ARHGEF18: variants seen among roughly 807,000 people sequenced by gnomAD.
ARHGEF18 encodes the protein rho guanine nucleotide exchange factor 18.
A neutral mutation model predicts 155.7 loss-of-function variants in ARHGEF18; 93 were observed. The observed-to-expected ratio is 0.60, with a 90% CI of 0.50 to 0.71. The LOEUF (loss-of-function observed/expected upper bound fraction) is 0.71. Ranked by LOEUF, ARHGEF18 falls within the 30% of genes least tolerant of loss-of-function variation. ARHGEF18 has a pLI of 0.00. For synonymous variants in ARHGEF18, 742 were observed against 753.1 expected (o/e 0.99, Z 0.24); for missense variants, 1,593 against 1,816.1 (o/e 0.88, Z 2.23).
chr19:7,441,599 C>T (rs1387282867), intron 11 of ARHGEF18, 54 bp from the exon 12 acceptor site: 8 of 1,391,398 alleles, frequency 5.7e-6, no homozygotes, highest in Admixed American at 3.4e-5. Flanking sequence ...TGCATGAGGT[C>T]GTGTGTGTTT....
intron 2 of ARHGEF18, among the ~76,000 whole-genome samples, chr19:7,365,489 A>G (rs1050605548): frequency 6.6e-6 from 1 of 152,200 alleles, no homozygotes; most frequent in Non-Finnish European, 1.5e-5. Context: ...GTAAAGGATC[A>G]CAGAACCAGG....
chr19:7,470,215 G>A lies in ARHGEF18; in HGVS notation c.4003G>A (p.Gly1335Arg), dbSNP rs776440309. Residue 1335 changes from glycine to arginine, a missense_variant, in exon 29 of 29, where the codon GGG becomes AGG. Physicochemically the swap from Gly to Arg is moderately radical, Grantham distance 125. Coordinates refer to ENST00000668164, the MANE Select transcript of ARHGEF18 (RefSeq NM_001367823.1). This position sits in a 1 kb window ranked among gnomAD's most constrained non-coding sequence, Gnocchi z 5.9. ...LKAGGTALLP[G>R]PPAPSPLPAT... ...GGCCGGGGGCACAGCCCTCCTGCCC[G>A]GGCCCCCAGCTCCCTCGCCACTGCC... The A allele has an allele frequency of 5.5e-5, 88 of 1,609,544 alleles. No homozygotes were observed. The highest frequency in any genetic ancestry group is 6.8e-5 in the Non-Finnish European group (80 of 1,178,608).
chr19:7,415,741 G>A (rs917865751), intron 10 of ARHGEF18, among the ~76,000 whole-genome samples: 9 of 151,744 alleles, frequency 5.9e-5, no homozygotes, highest in African/African-American at 1.5e-4. Context: ...ACAGAGACCC[G>A]CAGCTCCTGG....
At position 7,440,423 on chromosome 19, in the gene ARHGEF18, C is replaced by T. The variant is rs956575348; in HGVS notation, c.1047C>T (p.Val349=). The T allele has an allele frequency of 7.5e-6, 12 of 1,604,064 alleles. No homozygotes were observed. Among genetic ancestry groups the T allele is most frequent in the East Asian group, 4.5e-5 (2 of 44,872 alleles). ...TGTCCAGGAATGTCGGTATGACGGTCTCTCAGAAAGGGGGTCCCCAGCCAA... is the reference window on the plus strand; with the variant it reads ...TGTCCAGGAATGTCGGTATGACGGTTTCTCAGAAAGGGGGTCCCCAGCCAA... ...PALSRNVGMT[V]SQKGGPQPTP... The change falls in exon 11 of 29, where the codon GTC becomes GTT. Residue 349 remains valine (V), a synonymous_variant. Transcript: ENST00000668164. The surrounding 1 kb of genome is among the most constrained non-coding windows in gnomAD (Gnocchi z 5.4).
intron 10 of ARHGEF18, among the ~76,000 whole-genome samples, chr19:7,391,628 A>C (rs1159619311): frequency 2.6e-5 from 4 of 152,074 alleles, no homozygotes; most frequent in African/African-American, 9.6e-5. Flanking sequence ...TCATCCTTTT[A>C]AGACAAAGCC....
chr19:7,406,576 G>C (rs1438088176), intron 10 of ARHGEF18, among the ~76,000 whole-genome samples: 2 of 152,012 alleles, frequency 1.3e-5, no homozygotes, highest in East Asian at 3.8e-4. Context: ...GATTCAGAGA[G>C]GGCAAAAAAC....
At position 7,440,561 on chromosome 19, in the gene ARHGEF18, G is replaced by C. The variant is rs904234515; in HGVS notation, c.1106+79G>C. The C allele has an allele frequency of 3.4e-6, 5 of 1,481,846 alleles. No individual in the cohort carries two copies. Among genetic ancestry groups the C allele is most frequent in the Non-Finnish European group, 3.6e-6 (4 of 1,107,464 alleles). The allele number at this position is 1,481,846 out of a possible 1,614,324, so 91.8% of individuals were successfully genotyped here. ...GCTGTTGACAGCCTCTTCGGAGGGA[G>C]ACCCCGACTTAGATCTGTGTGAATC... On this transcript the variant is annotated intron_variant, in intron 11 of 28. Coordinates refer to ENST00000668164, the MANE Select transcript of ARHGEF18 (RefSeq NM_001367823.1). This position sits in a 1 kb window ranked among gnomAD's most constrained non-coding sequence, Gnocchi z 5.4.
At chr19:7,372,486 AAGAG>A (rs956260861) in intron 2 of ARHGEF18, among the ~76,000 whole-genome samples, 6 of 152,074 alleles carry the variant, frequency 3.9e-5, no homozygotes, top group Non-Finnish European at 7.4e-5. Flanking sequence ...GAAAAAAAAA[AAGAG>A]AGAGAGATAA....
chr19:7,475,089 C>T (rs1230692895), downstream of ARHGEF18, among the ~76,000 whole-genome samples: 1 of 152,128 alleles, frequency 6.6e-6, no homozygotes, highest in Non-Finnish European at 1.5e-5. Context: ...CAAAATTAGC[C>T]AGGCATGCTT....
rs1289210584 is a variant in ARHGEF18 at position 7,463,834 on chromosome 19, C to G, written c.2652C>G (p.Ser884Arg). Reference protein sequence around the residue: ...SAMSEIEGIQSLICRQLGSAN... With the variant: ...SAMSEIEGIQRLICRQLGSAN... ...CTTCCACAGTCGAGGGCATCCAGAGCCTGATCTGCAGGCAGCTGGGCAGCG... is the reference window on the plus strand; with the variant it reads ...CTTCCACAGTCGAGGGCATCCAGAGGCTGATCTGCAGGCAGCTGGGCAGCG... The change falls in exon 22 of 29, where the codon AGC (serine) becomes AGG (arginine). Residue 884 changes from serine (S) to arginine (R), a missense_variant. Physicochemically the swap from Ser to Arg is moderately radical, Grantham distance 110. Coordinates refer to ENST00000668164, the MANE Select transcript of ARHGEF18 (RefSeq NM_001367823.1). The surrounding 1 kb of genome is among the most constrained non-coding windows in gnomAD (Gnocchi z 5.2). 1 of 1,607,448 alleles carries G rather than the reference C, an allele frequency of 6.2e-7. No homozygotes were observed. Among genetic ancestry groups the G allele is most frequent in the Non-Finnish European group, 8.5e-7 (1 of 1,177,636 alleles).
chr19:7,443,869 A>G (rs1600464358), intron 13 of ARHGEF18, among the ~76,000 whole-genome samples: 1 of 151,062 alleles, frequency 6.6e-6, no homozygotes, highest in Non-Finnish European at 1.5e-5. Context: ...TTGCCACTGC[A>G]CTCCAGCCTG....
intron 23 of ARHGEF18, 109 bp from the exon 24 acceptor site, chr19:7,466,804 CAAAAA>C (rs965666634): frequency 7.3e-4 from 361 of 495,174 alleles, no homozygotes; most frequent in East Asian, 1.1e-3. Context: ...AATTCCGTCT[CAAAAA>C]AAAAAAAAAA....
chr19:7,398,704 A>AAATAAAG (rs1555708478), intron 10 of ARHGEF18, among the ~76,000 whole-genome samples: 4,156 of 146,840 alleles, frequency 0.028, 135 homozygotes, highest in African/African-American at 0.09. Flanking sequence ...AAAAAAAAAA[A>AAATAAAG]AAATAAAGAA....
At position 7,444,422 on chromosome 19, in the gene ARHGEF18, A is replaced by ATC. The variant is rs1568341322; in HGVS notation, c.1580_1581dup (p.Gln528SerfsTer20). ...GGAGGGCAGTGACCGGAATTATGTC[A>ATC]TCCAGAAAATCGGCGACCTCCTGGT... is the stretch of plus-strand genomic sequence containing the variant. On this transcript the variant is annotated frameshift_variant, in exon 14 of 29. Transcript: ENST00000668164. LOFTEE classifies it high-confidence loss of function. The surrounding 1 kb of genome is among the most constrained non-coding windows in gnomAD (Gnocchi z 4.7). 1 of 1,613,674 alleles carries ATC rather than the reference A, an allele frequency of 6.2e-7. No homozygotes were observed. The highest frequency in any genetic ancestry group is 8.5e-7 in the Non-Finnish European group (1 of 1,179,964).
Position 7,382,773 on chromosome 19 carries a change from C to T in ARHGEF18, c.723-19C>T. 1 of 1,231,948 alleles carries T rather than the reference C, an allele frequency of 8.1e-7. No individual in the cohort carries two copies. The highest frequency in any genetic ancestry group is 1.0e-6 in the Non-Finnish European group (1 of 987,680). The allele number at this position is 1,231,948 out of a possible 1,614,324, so 76.3% of individuals were successfully genotyped here. Reference sequence around the variant, plus strand: ...TGGCCCCTGGCCCCCTCTAGTGGACCTTCCCTCTCGTCCCTCAGGAGCGAG... The same window carrying T: ...TGGCCCCTGGCCCCCTCTAGTGGACTTTCCCTCTCGTCCCTCAGGAGCGAG... On this transcript the variant is annotated intron_variant, in intron 8 of 28. Transcript: ENST00000668164.
chr19:7,468,686 C>A, intron 26 of ARHGEF18, 139 bp from the exon 27 acceptor site: 1 of 953,538 alleles, frequency 1.0e-6, no homozygotes, highest in Non-Finnish European at 1.5e-6. Context: ...CGGGCAATGA[C>A]CAGCAGCTCC....
At chr19:7,402,499 T>C (rs562102507) in intron 10 of ARHGEF18, among the ~76,000 whole-genome samples, 1 of 152,142 alleles carries the variant, frequency 6.6e-6, no homozygotes, top group African/African-American at 2.4e-5. Flanking sequence ...AACCATTGAA[T>C]TGGATGCTGT....
At chr19:7,475,788 G>A (rs891514723), downstream of ARHGEF18, among the ~76,000 whole-genome samples, 9 of 152,228 alleles carry the variant, frequency 5.9e-5, no homozygotes, top group African/African-American at 2.2e-4. Context: ...GAGCTAGTAA[G>A]TAGTTGGGTC....
chr19:7,461,300 G>A (rs1976240106), intron 20 of ARHGEF18, among the ~76,000 whole-genome samples: 2 of 152,080 alleles, frequency 1.3e-5, no homozygotes, highest in South Asian at 4.1e-4. Context: ...TGTAATCCCA[G>A]CACTTTGGGA....
Sources: gnomAD v4.1 joint callset for allele counts (sites outside exome capture counted in the v4.1 genomes callset) on GRCh38, gnomAD v4.1.1 for gene constraint, Gnocchi (gnomAD v3.1) non-coding constraint, MANE v1.5 for transcripts, NCBI Gene and HGNC (gene_info 2026-07-23, HGNC 2026-07-21) for gene names.